DENND1A: variants seen among roughly 807,000 people sequenced by gnomAD.
The protein encoded by DENND1A is DENN domain-containing protein 1A.
In DENND1A, 51 loss-of-function variants were observed where a neutral mutation model predicts 113.7. That is an observed-to-expected ratio of 0.45 (90% CI 0.36 to 0.57). DENND1A has a LOEUF of 0.57. DENND1A is among the 20% of genes least tolerant of loss of function. The pLI is 0.00. For synonymous variants in DENND1A, 565 were observed against 570.8 expected (o/e 0.99, Z 0.14); for missense variants, 1,258 against 1,395.9 (o/e 0.90, Z 1.57).
intron 5 of DENND1A, among the ~76,000 whole-genome samples, chr9:123,741,009 C>T (rs1303014860): frequency 6.7e-6 from 1 of 149,560 alleles, no homozygotes; most frequent in Non-Finnish European, 1.5e-5. Flanking sequence ...TCAATAAGTA[C>T]TTATGTAGAA....
chr9:123,540,880 C>A (rs972101382), intron 13 of DENND1A, among the ~76,000 whole-genome samples: 1 of 152,260 alleles, frequency 6.6e-6, no homozygotes, highest in South Asian at 2.1e-4. Flanking sequence ...CAAAGAGGAT[C>A]GGAAGCAGCA....
intron 2 of DENND1A, among the ~76,000 whole-genome samples, chr9:123,804,353 T>C (rs1364270526): frequency 6.6e-6 from 1 of 152,212 alleles, no homozygotes; most frequent in Admixed American, 6.5e-5. Context: ...TATGTCTTTA[T>C]AGCAGCATGA....
chr9:123,499,200 C>T (rs918146159), intron 13 of DENND1A, among the ~76,000 whole-genome samples: 2 of 150,046 alleles, frequency 1.3e-5, no homozygotes, highest in African/African-American at 2.5e-5. Context: ...CGCCTGGCTA[C>T]TTTTTGTATT....
At chr9:123,484,250 G>C (rs1455033058) in intron 13 of DENND1A, among the ~76,000 whole-genome samples, 1 of 152,202 alleles carries the variant, frequency 6.6e-6, no homozygotes, top group African/African-American at 2.4e-5. Flanking sequence ...CAGACACAAA[G>C]ATCTGGGTTT....
chr9:123,498,133 T>C (rs1472407544), intron 13 of DENND1A, among the ~76,000 whole-genome samples: 1 of 152,212 alleles, frequency 6.6e-6, no homozygotes, highest in Non-Finnish European at 1.5e-5. Flanking sequence ...AAATAGCCAC[T>C]GGGGAATTCT....
At chr9:123,863,385 C>T (rs1845336106) in intron 2 of DENND1A, among the ~76,000 whole-genome samples, 1 of 152,204 alleles carries the variant, frequency 6.6e-6, no homozygotes, top group African/African-American at 2.4e-5. Flanking sequence ...AATAGTTTCT[C>T]CCTAAGAGAT....
At chr9:123,927,808 T>C (rs868534281) in intron 1 of DENND1A, among the ~76,000 whole-genome samples, 1 of 152,104 alleles carries the variant, frequency 6.6e-6, no homozygotes, top group East Asian at 1.9e-4. Flanking sequence ...CAGGAGAACA[T>C]CTTGAATGCC....
At chr9:123,395,496 C>CAG (rs143432983) in intron 21 of DENND1A, among the ~76,000 whole-genome samples, 5,129 of 111,102 alleles carry the variant, frequency 0.046, 286 homozygotes, top group East Asian at 0.19. Flanking sequence ...GTGTGTGTGA[C>CAG]AGAGAGAGAG....
chr9:123,716,620 A>T (rs1479344982), intron 5 of DENND1A, among the ~76,000 whole-genome samples: 5 of 152,176 alleles, frequency 3.3e-5, no homozygotes, highest in African/African-American at 1.2e-4. Flanking sequence ...CTAAATATCA[A>T]ATCGGATCAT....
chr9:123,393,936 C>T (rs926129611), intron 21 of DENND1A, among the ~76,000 whole-genome samples: 17 of 151,488 alleles, frequency 1.1e-4, no homozygotes, highest in African/African-American at 3.6e-4. Flanking sequence ...ATGGTGGGGG[C>T]GTGCCTGGCT....
chr9:123,737,816 ATT>A (rs774056061), intron 5 of DENND1A, among the ~76,000 whole-genome samples: 1 of 152,214 alleles, frequency 6.6e-6, no homozygotes, highest in Non-Finnish European at 1.5e-5. Context: ...AGACACCTGA[ATT>A]CCAAGATAAT....
chr9:123,591,777 T>C (rs2059467576), intron 11 of DENND1A, among the ~76,000 whole-genome samples: 2 of 152,200 alleles, frequency 1.3e-5, no homozygotes, highest in Admixed American at 6.5e-5. Flanking sequence ...GAATGGACAA[T>C]GTCAGCTCAA....
intron 1 of DENND1A, among the ~76,000 whole-genome samples, chr9:123,882,445 T>G (rs1848452707): frequency 7.0e-6 from 1 of 142,894 alleles, no homozygotes; most frequent in Non-Finnish European, 1.5e-5. Context: ...TAACAAAACT[T>G]AATGTCATCC....
At chr9:123,919,514 G>C (rs1855829482) in intron 1 of DENND1A, among the ~76,000 whole-genome samples, 1 of 151,622 alleles carries the variant, frequency 6.6e-6, no homozygotes, top group Non-Finnish European at 1.5e-5. Flanking sequence ...TAACTTTTTA[G>C]GTGTGAAAAT....
intron 18 of DENND1A, among the ~76,000 whole-genome samples, chr9:123,441,586 A>C (rs1429069078): frequency 6.6e-6 from 1 of 152,242 alleles, no homozygotes; most frequent in Non-Finnish European, 1.5e-5. Context: ...TGAAGCTGGC[A>C]GCTGACTATA....
At chr9:123,722,976 C>T (rs1247635681) in intron 5 of DENND1A, among the ~76,000 whole-genome samples, 2 of 152,186 alleles carry the variant, frequency 1.3e-5, no homozygotes, top group Non-Finnish European at 2.9e-5. Context: ...GCACTGTGTG[C>T]CTAGAAAAAG....
intron 10 of DENND1A, among the ~76,000 whole-genome samples, chr9:123,613,239 G>A (rs2060497106): frequency 6.6e-6 from 1 of 151,962 alleles, no homozygotes; most frequent in Admixed American, 6.6e-5. Flanking sequence ...ATGAAACAAT[G>A]GTTCATGACT....
intron 19 of DENND1A, among the ~76,000 whole-genome samples, chr9:123,416,131 G>A (rs900332290): frequency 1.3e-5 from 2 of 152,174 alleles, no homozygotes; most frequent in Non-Finnish European, 2.9e-5. Flanking sequence ...CGGCAGAGCT[G>A]GCCAGGACTC....
intron 5 of DENND1A, among the ~76,000 whole-genome samples, chr9:123,683,049 T>TA (rs2064573555): frequency 6.6e-6 from 1 of 152,180 alleles, no homozygotes; most frequent in African/African-American, 2.4e-5. Flanking sequence ...CCCTTTCAAG[T>TA]TTCACCTAGC....
Sources: allele counts gnomAD v4.1 joint callset (sites outside exome capture counted in the v4.1 genomes callset), GRCh38; gene constraint gnomAD v4.1.1; transcripts MANE v1.5; gene names NCBI Gene and HGNC (gene_info 2026-07-23, HGNC 2026-07-21).